AAK1: variants seen among roughly 807,000 people sequenced by gnomAD.
The protein encoded by AAK1 is AP2 associated kinase 1, also known as AP2-associated protein kinase 1.
Under a neutral mutation model 116.0 loss-of-function variants are expected in AAK1, and 37 were observed. The observed-to-expected ratio is 0.32, with a 90% CI of 0.25 to 0.42. The LOEUF (loss-of-function observed/expected upper bound fraction) is 0.42. AAK1 is among the 10% of genes least tolerant of loss of function. AAK1 has a pLI of 1.00. For synonymous variants in AAK1, 458 were observed against 439.9 expected (o/e 1.04, Z -0.51); for missense variants, 919 against 1,170.6 (o/e 0.79, Z 3.14).
intron 2 of AAK1, among the ~76,000 whole-genome samples, chr2:69,557,891 C>T (rs1671452463): frequency 6.6e-6 from 1 of 152,130 alleles, no homozygotes; most frequent in African/African-American, 2.4e-5. Context: ...AAAGATTCTT[C>T]CGGACCTCCC....
At chr2:69,617,740 G>A (rs74504725) in intron 2 of AAK1, among the ~76,000 whole-genome samples, 11 of 152,340 alleles carry the variant, frequency 7.2e-5, no homozygotes, top group Non-Finnish European at 1.5e-4. Context: ...GCAGCACGCT[G>A]TGCCTGCTCC....
intron 13 of AAK1, 57 bp from the exon 14 acceptor site, chr2:69,509,517 AAAAC>A (rs1377410972): frequency 4.5e-5 from 65 of 1,429,200 alleles, no homozygotes; most frequent in Non-Finnish European, 6.0e-5. Flanking sequence ...AGTTAAAGGA[AAAAC>A]AAACAGATAA....
intron 3 of AAK1, among the ~76,000 whole-genome samples, chr2:69,553,915 A>C (rs996524605): frequency 7.2e-6 from 1 of 138,364 alleles, no homozygotes; most frequent in East Asian, 2.0e-4. Flanking sequence ...GTCTCTAAGG[A>C]AAAAAAAAAA....
intron 2 of AAK1, 148 bp from the exon 3 acceptor site, chr2:69,557,126 A>G (rs1371383896): frequency 8.0e-6 from 5 of 622,528 alleles, no homozygotes; most frequent in Non-Finnish European, 1.4e-5. Context: ...TGTAGAACAC[A>G]TTCTTAGATT....
At position 69,461,184 on chromosome 2, in the gene AAK1, C is replaced by T. The variant is rs1400233347; in HGVS notation, c.*14685G>A. ...AGAAATACTTACCATTGTGTTACAA[C>T]TGCCTACAGTATTCAGTACAGTAAC... On this transcript the variant is annotated 3_prime_UTR_variant, in exon 22 of 22. Coordinates refer to ENST00000409085, the MANE Select transcript of AAK1 (RefSeq NM_014911.5). 6.6e-6 allele frequency: 1 copy of T among 152,290 alleles called. No homozygotes were observed. Among genetic ancestry groups the T allele is most frequent in the Admixed American group, 6.5e-5 (1 of 15,292 alleles). The allele number at this position is 152,290 out of a possible 1,614,324, so 9.4% of individuals were successfully genotyped here. A position where few individuals can be genotyped will look rare whatever the true frequency, so the allele number is the denominator to read the frequency against.
intron 2 of AAK1, chr2:69,598,240 C>T (rs1673393277): frequency 1.9e-6 from 1 of 525,534 alleles, no homozygotes. Flanking sequence ...TAAACTGAAA[C>T]CAGAGAAGTT....
At chr2:69,583,072 T>C (rs1021678115) in intron 2 of AAK1, among the ~76,000 whole-genome samples, 7 of 152,316 alleles carry the variant, frequency 4.6e-5, no homozygotes, top group East Asian at 3.9e-4. Context: ...GGAGGCCTAG[T>C]TGTGGTCCAA....
At chr2:69,524,263 G>T (rs936236918) in intron 10 of AAK1, among the ~76,000 whole-genome samples, 18 of 152,296 alleles carry the variant, frequency 1.2e-4, no homozygotes, top group African/African-American at 4.3e-4. Context: ...TTTAAAAAGA[G>T]ATAGGGTCTC....
Position 69,496,048 on chromosome 2 carries a change from A to G in AAK1, c.2302T>C (p.Ser768Pro). ...GACACGCTTAGAAGCGGGAGGCCAG[A>G]GTCCACAGTCTGCCCACCCTTCCTT... ...EKRKGGQTVD[S>P]GLPLLSVSDP... Residue 768 changes from serine to proline, a missense_variant, in exon 17 of 22, where the codon TCT (serine) becomes CCT (proline). Physicochemically the swap from Ser to Pro is moderately conservative, Grantham distance 74. This residue lies in a region of AAK1 where 263 missense variants were observed against 285.5 expected (regional missense o/e 0.92). Coordinates refer to ENST00000409085, the MANE Select transcript of AAK1 (RefSeq NM_014911.5). The G allele has an allele frequency of 3.2e-6, 5 of 1,555,782 alleles. No individual in the cohort carries two copies. The highest frequency in any genetic ancestry group is 3.5e-6 in the Non-Finnish European group (4 of 1,149,320).
chr2:69,586,275 G>A (rs924792488), intron 2 of AAK1, among the ~76,000 whole-genome samples: 1 of 152,186 alleles, frequency 6.6e-6, no homozygotes, highest in African/African-American at 2.4e-5. Flanking sequence ...CTGAAAACCT[G>A]TGGGCCTATG....
Position 69,467,807 on chromosome 2 carries a change from T to G in AAK1, c.*8062A>C. The G allele has an allele frequency of 1.0e-6, 1 of 985,452 alleles. No homozygotes were observed. The allele number at this position is 985,452 out of a possible 1,614,324, so 61.0% of individuals were successfully genotyped here. A position where few individuals can be genotyped will look rare whatever the true frequency, so the allele number is the denominator to read the frequency against. On this transcript the variant is annotated 3_prime_UTR_variant, in exon 22 of 22. Transcript: ENST00000409085. ...AGAAGAGGCATTAAAATCAGTTTATTGGGAAACCAGTCACTTAGAGACATT... is the reference window on the plus strand; with the variant it reads ...AGAAGAGGCATTAAAATCAGTTTATGGGGAAACCAGTCACTTAGAGACATT...
At chr2:69,606,488 TTGAATGAATGAA>T (rs201915200) in intron 2 of AAK1, among the ~76,000 whole-genome samples, 1 of 152,092 alleles carries the variant, frequency 6.6e-6, no homozygotes, top group Admixed American at 6.6e-5. Context: ...CAGCAACTTC[TTGAATGAATGAA>T]TGAATGAATG....
chr2:69,560,756 T>C (rs1264287384), intron 2 of AAK1, among the ~76,000 whole-genome samples: 1 of 152,240 alleles, frequency 6.6e-6, no homozygotes, highest in African/African-American at 2.4e-5. Context: ...TGGCTATTTA[T>C]AGCTCACCAT....
rs918386979 is a variant in AAK1, at chr2:69,463,341, G to A, written c.*12528C>T. 8.5e-5 allele frequency: 13 copies of A among 152,066 alleles called. No homozygotes were observed. Among genetic ancestry groups the A allele is most frequent in the African/African-American group, 2.7e-4 (11 of 41,408 alleles). The allele number at this position is 152,066 out of a possible 1,614,324, so 9.4% of individuals were successfully genotyped here. On this transcript the variant is annotated 3_prime_UTR_variant, in exon 22 of 22. Transcript: ENST00000409085. ...GCCTTAGCAGAAATCTTCCCATTGA[G>A]ATACAGGCTTTATTTTTATTATTAT... is the stretch of plus-strand genomic sequence containing the variant.
intron 14 of AAK1, among the ~76,000 whole-genome samples, chr2:69,508,762 G>A (rs941665666): frequency 6.6e-6 from 1 of 152,216 alleles, no homozygotes; most frequent in Admixed American, 6.5e-5. Flanking sequence ...AGCAGTCCCA[G>A]GAGAGGGCAC....
chr2:69,476,484 T>C (rs1490590602), intron 21 of AAK1, among the ~76,000 whole-genome samples: 1 of 152,216 alleles, frequency 6.6e-6, no homozygotes, highest in African/African-American at 2.4e-5. Context: ...GCTCCATTAA[T>C]GTCAAAAAGA....
chr2:69,583,613 T>G (rs536669717), intron 2 of AAK1, among the ~76,000 whole-genome samples: 1 of 152,342 alleles, frequency 6.6e-6, no homozygotes, highest in Admixed American at 6.5e-5. Context: ...GGGTCTCGGC[T>G]TCATGGCTGA....
chr2:69,604,000 T>C (rs944566214), intron 2 of AAK1, among the ~76,000 whole-genome samples: 5 of 152,202 alleles, frequency 3.3e-5, no homozygotes, highest in African/African-American at 1.2e-4. Flanking sequence ...CCACTTCCAG[T>C]TCCAAATAAC....
At chr2:69,507,329 T>C in intron 15 of AAK1, 92 bp downstream of exon 15, 1 of 1,471,404 alleles carries the variant, frequency 6.8e-7, no homozygotes, top group South Asian at 1.3e-5. Context: ...ATGCATACCC[T>C]TCTAGAGTTA....
Sources: allele counts gnomAD v4.1 joint callset (sites outside exome capture counted in the v4.1 genomes callset), GRCh38; gene constraint gnomAD v4.1.1; regional missense constraint gnomAD v4.1.1; transcripts MANE v1.5; gene names NCBI Gene and HGNC (gene_info 2026-07-23, HGNC 2026-07-21).